Variants in EYA2 observed in about 807,000 individuals in gnomAD.
The protein encoded by EYA2 is EYA transcriptional coactivator and phosphatase 2, also known as protein phosphatase EYA2.
EYA2 carries 31 observed loss-of-function variants against 69.2 expected under a neutral mutation model. The ratio of observed to expected loss-of-function variants is 0.45; its 90% CI spans 0.34 to 0.60. The LOEUF is 0.60. Ranked by LOEUF, EYA2 falls within the 20% of genes least tolerant of loss-of-function variation. The probability of loss-of-function intolerance (pLI) is 0.02; values close to 1 mark genes in which losing one functional copy is unlikely to be tolerated. For missense variants in EYA2, 622 were observed against 701.2 expected, an observed-to-expected ratio of 0.89 and a Z score of 1.28; for synonymous variants, 257 against 279.4, an observed-to-expected ratio of 0.92 and a Z score of 0.80.
At chr20:47,095,931 A>C (rs2032233634) in intron 8 of EYA2, 1 of 152,234 alleles carries the variant, frequency 6.6e-6, no homozygotes, top group Non-Finnish European at 1.5e-5. Context: ...AGTCTGCAGC[A>C]AGCCTAAAAA....
In EYA2 at chr20:47,049,455, G is replaced by A. The variant is rs1372628361; in HGVS notation, c.416-22730G>A. 2.6e-5 allele frequency among the ~76,000 whole-genome samples: 4 copies of A among 152,156 alleles called. No homozygotes were observed. In the East Asian group the frequency reaches 5.8e-4, roughly 22 times the overall value. ...TGGGAGGTGTTTGGATCATGGGGGC[G>A]AATCCCTTGTGAATGGCTTGGGGCT... On this transcript the variant is annotated intron_variant, in intron 5 of 15. Transcript: ENST00000327619.
chr20:47,129,876 G>A (rs955654454), intron 9 of EYA2, among the ~76,000 whole-genome samples: 7 of 152,138 alleles, frequency 4.6e-5, no homozygotes, highest in Admixed American at 4.6e-4. Context: ...TTATTATTTT[G>A]GGGAACTATC....
chr20:47,103,018 G>A (rs1396894364), intron 9 of EYA2, among the ~76,000 whole-genome samples: 1 of 152,138 alleles, frequency 6.6e-6, no homozygotes, highest in Admixed American at 6.5e-5. Context: ...TCCTCCTTTT[G>A]TGCCTTGCCT....
At chr20:47,096,854 G>A (rs1039839121) in intron 8 of EYA2, among the ~76,000 whole-genome samples, 8 of 152,200 alleles carry the variant, frequency 5.3e-5, no homozygotes, top group African/African-American at 1.9e-4. Context: ...CAGACTTCTT[G>A]ATTCTGACAT....
chr20:47,097,253 G>C (rs1359992989), intron 9 of EYA2, 85 bp downstream of exon 9: 1 of 1,047,906 alleles, frequency 9.5e-7, no homozygotes, highest in Admixed American at 2.4e-5. Context: ...TGTGCGGACA[G>C]TTTATGAGGC....
At chr20:47,140,068 G>A (rs2033563010) in intron 9 of EYA2, among the ~76,000 whole-genome samples, 1 of 152,136 alleles carries the variant, frequency 6.6e-6, no homozygotes, top group African/African-American at 2.4e-5. Context: ...AACAAGTCTG[G>A]GTGGCAGCTC....
rs543113284 is a variant in EYA2 at position 46,969,084 on chromosome 20, T to A, written c.-10-20917T>A. Among the ~76,000 whole-genome samples the A allele has an allele frequency of 3.3e-5, 5 of 152,002 alleles. No homozygotes were observed. The East Asian group carries it at 9.6e-4, about 29-fold the overall frequency. On this transcript the variant is annotated intron_variant, in intron 1 of 15. Transcript: ENST00000327619. ...AGGAACTGCTAGCTGGGATTTTTTT[T>A]ACCAGCAAAAGAGAATTCCTTGATC...
chr20:46,895,871 C>A (rs1268781759), intron 1 of EYA2, among the ~76,000 whole-genome samples: 4 of 152,192 alleles, frequency 2.6e-5, no homozygotes, highest in Non-Finnish European at 4.4e-5. Context: ...ACTGGAAGCG[C>A]CTTTTGCAGT....
At chr20:46,945,703 T>C (rs1452157048) in intron 1 of EYA2, among the ~76,000 whole-genome samples, 1 of 152,252 alleles carries the variant, frequency 6.6e-6, no homozygotes, top group Non-Finnish European at 1.5e-5. Context: ...TGTGGCCTGC[T>C]GGGCCCTTCT....
intron 10 of EYA2, among the ~76,000 whole-genome samples, chr20:47,154,066 C>T (rs1035196124): frequency 2.0e-5 from 3 of 152,032 alleles, no homozygotes; most frequent in Non-Finnish European, 4.4e-5. Context: ...GGGTGGCTTA[C>T]ACGACAGAAA....
chr20:47,158,023 G>A (rs778192681), intron 10 of EYA2, among the ~76,000 whole-genome samples: 1 of 151,952 alleles, frequency 6.6e-6, no homozygotes, highest in African/African-American at 2.4e-5. Flanking sequence ...AGGCCCCTGC[G>A]ATCCCAGCAC....
At chr20:47,081,715 G>T (rs1367952810) in intron 7 of EYA2, among the ~76,000 whole-genome samples, 1 of 149,842 alleles carries the variant, frequency 6.7e-6, no homozygotes, top group East Asian at 2.0e-4. Context: ...GGAGGCAGAG[G>T]TTGCAGCGAG....
chr20:47,157,012 A>G (rs773735024), intron 10 of EYA2, among the ~76,000 whole-genome samples: 2 of 152,112 alleles, frequency 1.3e-5, no homozygotes, highest in African/African-American at 4.8e-5. Context: ...ACAGGTTTTG[A>G]TAAGTATTTG....
chr20:47,183,329 G>C lies in EYA2; in HGVS notation c.1474G>C (p.Gly492Arg). 6.2e-7 allele frequency: 1 copy of C among 1,614,118 alleles called. No individual in the cohort carries two copies. Among genetic ancestry groups the C allele is most frequent in the Non-Finnish European group, 8.5e-7 (1 of 1,180,020 alleles). The change falls in exon 15 of 16, where the codon GGC becomes CGC. Residue 492 changes from glycine to arginine, a missense_variant. Gly to Arg is a moderately radical substitution (Grantham distance 125). Coordinates refer to ENST00000327619, the MANE Select transcript of EYA2 (RefSeq NM_005244.5). The stretch of plus-strand genomic sequence containing the variant: ...CTTCGAGAGGATAATGCAGAGATTC[G>C]GCAGAAAAGCTGTCTACGTGGTGAT... ...SCFERIMQRFGRKAVYVVIGD... is the reference protein window; with the variant it reads ...SCFERIMQRFRRKAVYVVIGD...
At chr20:47,147,049 TCTGA>T (rs1350185847) in intron 10 of EYA2, among the ~76,000 whole-genome samples, 1 of 144,844 alleles carries the variant, frequency 6.9e-6, no homozygotes, top group Non-Finnish European at 1.5e-5. Flanking sequence ...GAGAGGCTCC[TCTGA>T]CTTTTTTTTT....
Position 47,188,405 on chromosome 20 carries a change from A to G in EYA2, c.*272A>G. 1.8e-6 allele frequency: 1 copy of G among 564,840 alleles called. No individual in the cohort carries two copies. The allele number at this position is 564,840 out of a possible 1,614,324, so 35.0% of individuals were successfully genotyped here. ...CTCTTCTGTAAGACTCACAGAACAAAAGCAAGGAATTGCTGATTTGGGGGG... is the reference window on the plus strand; with the variant it reads ...CTCTTCTGTAAGACTCACAGAACAAGAGCAAGGAATTGCTGATTTGGGGGG... On this transcript the variant is annotated 3_prime_UTR_variant, in exon 16 of 16. Transcript: ENST00000327619.
At chr20:46,996,035 A>G (rs775885246) in intron 2 of EYA2, among the ~76,000 whole-genome samples, 10 of 152,230 alleles carry the variant, frequency 6.6e-5, no homozygotes, top group Non-Finnish European at 1.5e-4. Context: ...CCTTAAGCCT[A>G]TCTGTTTTCT....
intron 10 of EYA2, 146 bp from the exon 11 acceptor site, chr20:47,168,993 C>T (rs2034262739): frequency 1.4e-6 from 1 of 691,114 alleles, no homozygotes; most frequent in South Asian, 1.7e-5. Context: ...CCTTGAGTAT[C>T]CAAATCCAGA....
At chr20:47,136,930 A>G (rs763172878) in intron 9 of EYA2, among the ~76,000 whole-genome samples, 9 of 152,044 alleles carry the variant, frequency 5.9e-5, no homozygotes, top group Non-Finnish European at 1.0e-4. Context: ...GTAGAACATT[A>G]GGGCACGCTA....
Sources: allele counts gnomAD v4.1 joint callset (sites outside exome capture counted in the v4.1 genomes callset), GRCh38; gene constraint gnomAD v4.1.1; transcripts MANE v1.5; gene names NCBI Gene and HGNC (gene_info 2026-07-23, HGNC 2026-07-21).